Variants in PROCR observed in about 807,000 individuals in gnomAD.
PROCR encodes endothelial protein C receptor.
In PROCR, 22 loss-of-function variants were observed where a neutral mutation model predicts 24.2. The ratio of observed to expected loss-of-function variants is 0.91; its 90% CI spans 0.65 to 1.30. The LOEUF (loss-of-function observed/expected upper bound fraction) is 1.30. Among genes scored for constraint, PROCR ranks in the 50% most tolerant of loss-of-function variants. The pLI, the probability that PROCR is intolerant of heterozygous loss-of-function variation, is 0.00. For synonymous variants in PROCR, 137 were observed against 139.2 expected (o/e 0.98, Z 0.11); for missense variants, 288 against 307.7 (o/e 0.94, Z 0.48).
At chr20:35,183,025 G>C (rs983763967) in intron 1 of PROCR, among the ~76,000 whole-genome samples, 1 of 150,140 alleles carries the variant, frequency 6.7e-6, no homozygotes, top group African/African-American at 2.4e-5. Flanking sequence ...AAAATGTTAT[G>C]CTCTGATTTA....
chr20:35,195,720 C>A (rs1389503969), intron 1 of PROCR, among the ~76,000 whole-genome samples: 2 of 149,822 alleles, frequency 1.3e-5, no homozygotes, highest in African/African-American at 2.5e-5. Flanking sequence ...ACTCGGGAGG[C>A]TGAGGCAGGA....
rs1023443790 is a variant in PROCR, at chr20:35,176,798, T to C, written c.702T>C (p.Gly234=). ...CTGTAGGCATCTTCCTGTGCACAGG[T>C]GGACGGCGATGTTAATTACTCTCCA... ...GVAVGIFLCT[G]GRRC is the part of the protein sequence containing the mutation. The change falls in exon 4 of 4, where the codon GGT becomes GGC. Residue 234 remains glycine (G), a synonymous_variant. Transcript: ENST00000216968. 3.1e-6 allele frequency: 5 copies of C among 1,613,926 alleles called. No individual in the cohort carries two copies. Among genetic ancestry groups the C allele is most frequent in the East Asian group, 2.2e-5 (1 of 44,872 alleles).
Position 35,174,958 on chromosome 20 carries a change from G to C in PROCR, c.322+5G>C. On this transcript the variant is annotated splice_donor_5th_base_variant and intron_variant, in intron 2 of 3. Coordinates refer to ENST00000216968, the MANE Select transcript of PROCR (RefSeq NM_006404.5). ...ACCAGGAGCGGACCTTGGCCTGTGA[G>C]TAGGCGCGCAGCGGGGGCGGGGTCT... The C allele has an allele frequency of 1.4e-6, 2 of 1,468,958 alleles. No homozygotes were observed. The highest frequency in any genetic ancestry group is 1.8e-6 in the Non-Finnish European group (2 of 1,098,268). 91.0% of individuals were successfully genotyped at this position (1,468,958 alleles called of 1,614,324 possible).
At chr20:35,201,861 G>T (rs1009187924) in intron 1 of PROCR, 1 of 152,012 alleles carries the variant, frequency 6.6e-6, no homozygotes, top group Non-Finnish European at 1.5e-5. Context: ...TCACCAAGAA[G>T]ATAAACACTG....
At chr20:35,201,305 C>A (rs1156707246) in intron 1 of PROCR, among the ~76,000 whole-genome samples, 5 of 152,010 alleles carry the variant, frequency 3.3e-5, no homozygotes, top group Non-Finnish European at 5.9e-5. Context: ...AGAAAAATAA[C>A]AAATTGTAGA....
chr20:35,209,000 A>C (rs1003289581), intron 1 of PROCR, among the ~76,000 whole-genome samples: 2 of 152,200 alleles, frequency 1.3e-5, no homozygotes, highest in African/African-American at 4.8e-5. Context: ...ATATTAATTG[A>C]GAGCCTACTA....
chr20:35,194,268 G>A (rs970738073), intron 1 of PROCR, among the ~76,000 whole-genome samples: 1 of 152,184 alleles, frequency 6.6e-6, no homozygotes, highest in African/African-American at 2.4e-5. Flanking sequence ...CAGAAGAACA[G>A]AGAAGTAAGA....
At chr20:35,191,504 T>C (rs577639968) in intron 1 of PROCR, among the ~76,000 whole-genome samples, 2 of 151,718 alleles carry the variant, frequency 1.3e-5, no homozygotes, top group East Asian at 1.9e-4. Context: ...AGGAAATAGG[T>C]AGAAAAATAA....
downstream of PROCR, among the ~76,000 whole-genome samples, chr20:35,177,853 C>T (rs368291009): frequency 7.2e-5 from 11 of 152,286 alleles, no homozygotes; most frequent in Middle Eastern, 3.4e-3. Flanking sequence ...GACTAGAACT[C>T]TCTTTTTGCC....
intron 1 of PROCR, among the ~76,000 whole-genome samples, chr20:35,183,192 G>A (rs1263522349): frequency 6.6e-6 from 1 of 152,142 alleles, no homozygotes; most frequent in Non-Finnish European, 1.5e-5. Flanking sequence ...AACTGATATG[G>A]TTTGGATGTT....
chr20:35,197,348 A>G (rs1043127625), intron 1 of PROCR, among the ~76,000 whole-genome samples: 1 of 152,172 alleles, frequency 6.6e-6, no homozygotes, highest in Non-Finnish European at 1.5e-5. Context: ...GGTGTCACAA[A>G]TCACACCTAT....
At chr20:35,189,496 G>A (rs62211487) in intron 1 of PROCR, among the ~76,000 whole-genome samples, 203 of 152,136 alleles carry the variant, frequency 1.3e-3, no homozygotes, top group Middle Eastern at 3.4e-3. Flanking sequence ...TTCTAGTTTC[G>A]CCCTGACCTT....
Position 35,172,163 on chromosome 20 carries a change from A to G in PROCR, c.9A>G (p.Thr3=). The G allele has an allele frequency of 6.2e-7, 1 of 1,614,156 alleles. No individual in the cohort carries two copies. The highest frequency in any genetic ancestry group is 8.5e-7 in the Non-Finnish European group (1 of 1,180,016). The part of the protein sequence containing the change: ML[T]TLLPILLLSG... ...GGAGCCTCAACTTCAGGATGTTGAC[A>G]ACATTGCTGCCGATACTGCTGCTGT... Residue 3 remains threonine, a synonymous_variant, in exon 1 of 4, where the codon ACA becomes ACG. Coordinates refer to ENST00000216968, the MANE Select transcript of PROCR (RefSeq NM_006404.5).
At chr20:35,200,797 G>GGTAGCAGGGATTACAGGCATGGGCAA (rs1384825056) in intron 1 of PROCR, among the ~76,000 whole-genome samples, 27 of 152,084 alleles carry the variant, frequency 1.8e-4, no homozygotes, top group Non-Finnish European at 2.9e-5. Context: ...CAGGCATGTT[G>GGTAGCAGGGATTACAGGCATGGGCAA]CCACCATGCC....
At chr20:35,177,431 T>TTCTCACTC (rs2086031542), downstream of PROCR, 1 of 959,944 alleles carries the variant, frequency 1.0e-6, no homozygotes, top group African/African-American at 1.8e-5. Context: ...GCTTCCTTAT[T>TTCTCACTC]TCTCACTCAT....
chr20:35,173,568 T>G (rs1008345505), intron 1 of PROCR, among the ~76,000 whole-genome samples: 1 of 151,870 alleles, frequency 6.6e-6, no homozygotes, highest in African/African-American at 2.4e-5. Context: ...TAGCTGGGAC[T>G]ACAGGCATGT....
At position 35,206,587 on chromosome 20, in the gene PROCR, G is replaced by T. The variant is rs1356750563; in HGVS notation, c.95-9306G>T. Among the ~76,000 whole-genome samples the T allele has an allele frequency of 6.5e-4, 98 of 151,862 alleles. 1 individual carries two copies. Among genetic ancestry groups the T allele is most frequent in the Admixed American group, 6.4e-3 (98 of 15,232 alleles). ...CCTCACCAGAGAAGATACATGGATGGCAAATAAATATTTGAAAATATGCTC... is the reference window on the plus strand; with the variant it reads ...CCTCACCAGAGAAGATACATGGATGTCAAATAAATATTTGAAAATATGCTC... On this transcript the variant is annotated intron_variant, in intron 1 of 1. Transcript: ENST00000634509.
intron 1 of PROCR, among the ~76,000 whole-genome samples, chr20:35,192,494 A>G (rs4911474): frequency 0.8 from 122,001 of 151,924 alleles, 49,489 homozygotes; most frequent in African/African-American, 0.92. Context: ...CTGGGAGGGA[A>G]AGTTGTGTGT....
intron 1 of PROCR, among the ~76,000 whole-genome samples, chr20:35,189,556 C>T (rs1037058436): frequency 6.6e-6 from 1 of 152,200 alleles, no homozygotes; most frequent in African/African-American, 2.4e-5. Context: ...GCCCTTGAAA[C>T]AAGTGATCTC....
Sources: gnomAD v4.1 joint callset for allele counts (sites outside exome capture counted in the v4.1 genomes callset) on GRCh38, gnomAD v4.1.1 for gene constraint, MANE v1.5 for transcripts, NCBI Gene and HGNC (gene_info 2026-07-23, HGNC 2026-07-21) for gene names.